Variants in CNTN5 observed in about 807,000 individuals in gnomAD.
The protein encoded by CNTN5 is contactin-5.
CNTN5 carries 77 observed loss-of-function variants against 129.1 expected under a neutral mutation model. That is an observed-to-expected ratio of 0.60 (90% CI 0.50 to 0.72). CNTN5 has a LOEUF of 0.72. Among genes scored for constraint, CNTN5 ranks in the 30% least tolerant of loss-of-function variants. CNTN5 has a pLI of 0.00. For missense variants in CNTN5, 1,478 were observed against 1,328.8 expected, an observed-to-expected ratio of 1.11 and a Z score of -1.75; for synonymous variants, 509 against 465.6, an observed-to-expected ratio of 1.09 and a Z score of -1.20.
At chr11:100,194,160 T>C (rs568890612) in intron 15 of CNTN5, among the ~76,000 whole-genome samples, 9 of 152,082 alleles carry the variant, frequency 5.9e-5, no homozygotes, top group Admixed American at 4.6e-4. Flanking sequence ...ATTTCTGCCA[T>C]TTTTTTCTTA....
chr11:100,065,353 T>C (rs992392375), intron 10 of CNTN5, among the ~76,000 whole-genome samples: 1 of 152,114 alleles, frequency 6.6e-6, no homozygotes, highest in Admixed American at 6.6e-5. Flanking sequence ...TATGATTCTA[T>C]ACTGTTATAA....
intron 8 of CNTN5, among the ~76,000 whole-genome samples, chr11:99,975,908 A>G (rs1937924142): frequency 6.6e-6 from 1 of 152,166 alleles, no homozygotes; most frequent in African/African-American, 2.4e-5. Flanking sequence ...TTATTCCAGC[A>G]TTACTCAAAA....
chr11:99,270,867 C>T (rs771751128), intron 1 of CNTN5, among the ~76,000 whole-genome samples: 1 of 151,906 alleles, frequency 6.6e-6, no homozygotes, highest in African/African-American at 2.4e-5. Context: ...GCATAGAATG[C>T]ATGTTTGTAT....
In CNTN5 at chr11:100,070,516, C is replaced by A. The variant is rs370255623; in HGVS notation, c.1255C>A (p.Pro419Thr). The A allele has an allele frequency of 6.2e-7, 1 of 1,613,116 alleles. No individual in the cohort carries two copies. The highest frequency in any genetic ancestry group is 8.5e-7 in the Non-Finnish European group (1 of 1,179,456). ...ATGTAAGGCTACTGGAAAACCCAGA[C>A]CCACGTATCGTTGGCTGAAGAATGG... ...WECKATGKPR[P>T]TYRWLKNGVP... is the part of the protein sequence containing the mutation. Residue 419 changes from proline to threonine, a missense_variant, in exon 11 of 25, where the codon CCC becomes ACC. By Grantham distance (38) the Pro-to-Thr change is conservative. Transcript: ENST00000524871.
intron 2 of CNTN5, among the ~76,000 whole-genome samples, chr11:99,484,867 C>T (rs1945747965): frequency 6.6e-6 from 1 of 152,038 alleles, no homozygotes; most frequent in Admixed American, 6.6e-5. Context: ...AACACTTTAT[C>T]TCATAGAAGT....
At chr11:99,415,391 T>A (rs1006465282) in intron 2 of CNTN5, among the ~76,000 whole-genome samples, 2 of 152,120 alleles carry the variant, frequency 1.3e-5, no homozygotes, top group Non-Finnish European at 2.9e-5. Context: ...CTGTTCAGCT[T>A]CTTCTTGGCC....
chr11:99,549,885 T>A (rs901479549), intron 2 of CNTN5, among the ~76,000 whole-genome samples: 2 of 152,214 alleles, frequency 1.3e-5, no homozygotes, highest in African/African-American at 4.8e-5. Flanking sequence ...TTAATTATAC[T>A]TTTGAGTAGT....
chr11:99,762,550 A>G (rs1159780185), intron 3 of CNTN5, among the ~76,000 whole-genome samples: 2 of 151,782 alleles, frequency 1.3e-5, no homozygotes, highest in Non-Finnish European at 2.9e-5. Context: ...TGTTTTTCTC[A>G]GGTTTGTCAA....
chr11:100,321,474 A>T (rs908492138), intron 21 of CNTN5, among the ~76,000 whole-genome samples: 3 of 152,058 alleles, frequency 2.0e-5, no homozygotes, highest in Non-Finnish European at 2.9e-5. Flanking sequence ...AGGGTTTCCT[A>T]TATGTTAGAT....
intron 3 of CNTN5, among the ~76,000 whole-genome samples, chr11:99,749,076 A>G (rs1224738954): frequency 6.6e-6 from 1 of 152,018 alleles, no homozygotes. Context: ...GTCAACATTC[A>G]GGCATGATGG....
intron 18 of CNTN5, among the ~76,000 whole-genome samples, chr11:100,292,822 C>G (rs1234228684): frequency 1.3e-5 from 2 of 151,932 alleles, no homozygotes; most frequent in African/African-American, 4.8e-5. Flanking sequence ...TTCAGCCACT[C>G]TCAATTCAGC....
At position 99,945,113 on chromosome 11, in the gene CNTN5, C is replaced by T. The variant is rs181309894; in HGVS notation, c.674-11693C>T. ...GATGGGTACAGGTATGACAGCAAAC[C>T]AGACTATCATAGATTTTAAATTCCA... is the stretch of plus-strand genomic sequence containing the variant. On this transcript the variant is annotated intron_variant, in intron 7 of 24. Coordinates refer to ENST00000524871, the MANE Select transcript of CNTN5 (RefSeq NM_014361.4). 7.0e-4 allele frequency among the ~76,000 whole-genome samples: 106 copies of T among 152,086 alleles called. 1 individual carries two copies. Among genetic ancestry groups the T allele is most frequent in the African/African-American group, 2.3e-3 (95 of 41,506 alleles).
chr11:100,071,648 A>G (rs1943927900), intron 11 of CNTN5, 57 bp from the exon 12 acceptor site: 1 of 1,392,712 alleles, frequency 7.2e-7, no homozygotes, highest in South Asian at 1.4e-5. Context: ...GAGAATACCC[A>G]TAAAATCCAT....
At chr11:99,229,356 T>G (rs1860863123) in intron 1 of CNTN5, among the ~76,000 whole-genome samples, 1 of 152,084 alleles carries the variant, frequency 6.6e-6, no homozygotes, top group African/African-American at 2.4e-5. Flanking sequence ...AAGTCACTTT[T>G]CTAAGCTATA....
chr11:100,029,652 A>G (rs981529871), intron 9 of CNTN5, among the ~76,000 whole-genome samples: 1 of 152,174 alleles, frequency 6.6e-6, no homozygotes, highest in Non-Finnish European at 1.5e-5. Context: ...ACTGAAAGGT[A>G]AATTTGAGTC....
At chr11:99,472,899 T>C (rs7125057) in intron 2 of CNTN5, among the ~76,000 whole-genome samples, 29,953 of 152,094 alleles carry the variant, frequency 0.2, 3,140 homozygotes, top group Admixed American at 0.24. Context: ...CACCTTATCC[T>C]TCTGTGATTG....
chr11:100,015,898 A>T (rs1462661400), intron 9 of CNTN5, among the ~76,000 whole-genome samples: 2 of 152,090 alleles, frequency 1.3e-5, no homozygotes, highest in African/African-American at 4.8e-5. Context: ...AATTATAATT[A>T]TATGATGTCA....
chr11:99,578,166 T>A (rs552243999), intron 3 of CNTN5, among the ~76,000 whole-genome samples: 1 of 152,194 alleles, frequency 6.6e-6, no homozygotes, highest in Non-Finnish European at 1.5e-5. Context: ...ACTCATCCTT[T>A]TTCATGGCTG....
intron 1 of CNTN5, among the ~76,000 whole-genome samples, chr11:99,289,669 T>C (rs1210400882): frequency 6.6e-6 from 1 of 151,878 alleles, no homozygotes; most frequent in African/African-American, 2.4e-5. Flanking sequence ...GCTTTTAATC[T>C]TTCAGACCCA....
Sources: gnomAD v4.1 joint callset for allele counts (sites outside exome capture counted in the v4.1 genomes callset) on GRCh38, gnomAD v4.1.1 for gene constraint, MANE v1.5 for transcripts, NCBI Gene and HGNC (gene_info 2026-07-23, HGNC 2026-07-21) for gene names.